Variants in NLRP3 observed in about 807,000 individuals in gnomAD.
The protein encoded by NLRP3 is NACHT, LRR and PYD domains-containing protein 3.
Under a neutral mutation model 91.3 loss-of-function variants are expected in NLRP3, and 48 were observed. That is an observed-to-expected ratio of 0.53 (90% CI 0.42 to 0.67). The LOEUF (loss-of-function observed/expected upper bound fraction) is 0.67. NLRP3 is among the 30% of genes least tolerant of loss of function. The pLI is 0.00. For synonymous variants in NLRP3, 561 were observed against 507.9 expected (o/e 1.10, Z -1.41); for missense variants, 982 against 1,276.9 (o/e 0.77, Z 3.52).
In NLRP3 at chr1:247,418,995, G is replaced by A. The variant is rs201205620; in HGVS notation, c.195G>A (p.Ala65=). The change falls in exon 2 of 10, where the codon GCG becomes GCA. Residue 65 remains alanine (A), a synonymous_variant. Transcript: ENST00000336119. Reference sequence around the variant, plus strand: ...TCGACTTCAATGGGGAGGAGAAGGCGTGGGCCATGGCCGTGTGGATCTTCG... The same window carrying A: ...TCGACTTCAATGGGGAGGAGAAGGCATGGGCCATGGCCGTGTGGATCTTCG... ...LMIDFNGEEK[A]WAMAVWIFAA... 37 of 1,614,042 alleles carry A rather than the reference G, an allele frequency of 2.3e-5. No homozygotes were observed. The highest frequency in any genetic ancestry group is 2.7e-5 in the Non-Finnish European group (32 of 1,180,036).
At position 247,436,155 on chromosome 1, in the gene NLRP3, G is replaced by C. The variant is rs755399806; in HGVS notation, c.2663+15G>C. Reference sequence around the variant, plus strand: ...CAGAAACTGGGGTAAGTCTTCATGGGTGTCTTACCAGAAAAGTAACTTCTT... The same window carrying C: ...CAGAAACTGGGGTAAGTCTTCATGGCTGTCTTACCAGAAAAGTAACTTCTT... On this transcript the variant is annotated intron_variant, in intron 7 of 9. Coordinates refer to ENST00000336119, the MANE Select transcript of NLRP3 (RefSeq NM_001243133.2). 6.2e-7 allele frequency: 1 copy of C among 1,613,340 alleles called. No homozygotes were observed. The highest frequency in any genetic ancestry group is 1.7e-5 in the Admixed American group (1 of 59,988).
rs1290294652 is a variant in NLRP3, at chr1:247,425,243, C to G, written c.1794C>G (p.Ile598Met). 1 of 1,614,214 alleles carries G rather than the reference C, an allele frequency of 6.2e-7. No individual in the cohort carries two copies. The highest frequency in any genetic ancestry group is 8.5e-7 in the Non-Finnish European group (1 of 1,180,038). ...TGGAGAAGAAATTAAGTTGCAAGATCTCTCAGCAAATCAGGCTGGAGCTGC... is the reference window on the plus strand; with the variant it reads ...TGGAGAAGAAATTAAGTTGCAAGATGTCTCAGCAAATCAGGCTGGAGCTGC... Reference protein sequence around the residue: ...SYLEKKLSCKISQQIRLELLK... With the variant: ...SYLEKKLSCKMSQQIRLELLK... Residue 598 changes from isoleucine (I) to methionine (M), a missense_variant, in exon 4 of 10, where the codon ATC becomes ATG. Transcript: ENST00000336119. The surrounding 1 kb of genome is among the most constrained non-coding windows in gnomAD (Gnocchi z 4.1).
chr1:247,416,472 C>A lies in NLRP3; in HGVS notation c.-749+279C>A, dbSNP rs143299932. On this transcript the variant is annotated intron_variant, in intron 1 of 9. Transcript: ENST00000336119. ...ACTTCAGCAGATTTGCCCAGTATCC[C>A]TCCCAGGGGAGAAGATGGATGGGAT... 5.3e-3 allele frequency among the ~76,000 whole-genome samples: 803 copies of A among 152,308 alleles called. 10 individuals are homozygous for A. The highest frequency in any genetic ancestry group is 0.019 in the African/African-American group (769 of 41,558).
At chr1:247,427,547 G>A (rs4925544) in intron 4 of NLRP3, among the ~76,000 whole-genome samples, 2,878 of 12,168 alleles carry the variant, frequency 0.24, no homozygotes, top group East Asian at 0.34. Context: ...TCTGACTGGA[G>A]CCCTGGTAGG....
At position 247,424,207 on chromosome 1, in the gene NLRP3, A is replaced by G. The variant is rs943828544; in HGVS notation, c.758A>G (p.Tyr253Cys). The change falls in exon 4 of 10, where the codon TAT (tyrosine) becomes TGT (cysteine). Residue 253 changes from tyrosine (Y) to cysteine (C), a missense_variant. Physicochemically the swap from Tyr to Cys is radical, Grantham distance 194. This residue lies in a region of NLRP3 where 548 missense variants were observed against 713.7 expected (regional missense o/e 0.77). Coordinates refer to ENST00000336119, the MANE Select transcript of NLRP3 (RefSeq NM_001243133.2). This position sits in a 1 kb window ranked among gnomAD's most constrained non-coding sequence, Gnocchi z 8.1. ...SGTLYQDRFD[Y>C]LFYIHCREVS... ...ACACTCTACCAAGACAGGTTTGACT[A>G]TCTGTTCTATATCCACTGTCGAGAG... 2 of 1,614,054 alleles carry G rather than the reference A, an allele frequency of 1.2e-6. No homozygotes were observed. The highest frequency in any genetic ancestry group is 2.2e-5 in the East Asian group (1 of 44,850).
At chr1:247,422,606 C>T (rs1572163132) in intron 2 of NLRP3, among the ~76,000 whole-genome samples, 1 of 152,052 alleles carries the variant, frequency 6.6e-6, no homozygotes, top group African/African-American at 2.4e-5. Flanking sequence ...GGTTCCTGGG[C>T]CTCACCTCAG....
chr1:247,439,045 C>CCATCCATCCATCT (rs1553291703), intron 7 of NLRP3, among the ~76,000 whole-genome samples: 1 of 150,376 alleles, frequency 6.6e-6, no homozygotes, highest in African/African-American at 2.5e-5. Flanking sequence ...TCCATCCATC[C>CCATCCATCCATCT]ATCCATCCAT....
At chr1:247,432,988 G>A (rs529658421) in intron 5 of NLRP3, among the ~76,000 whole-genome samples, 9 of 152,014 alleles carry the variant, frequency 5.9e-5, no homozygotes, top group African/African-American at 2.2e-4. Context: ...AAACCAGCCT[G>A]AGCAAGCTGG....
chr1:247,417,729 G>T (rs544274077), intron 1 of NLRP3, among the ~76,000 whole-genome samples: 4 of 151,984 alleles, frequency 2.6e-5, no homozygotes, highest in Non-Finnish European at 4.4e-5. Context: ...CAGGTGATCC[G>T]CCCACCTCGG....
chr1:247,421,647 C>T (rs1662468154), intron 2 of NLRP3, among the ~76,000 whole-genome samples: 1 of 152,146 alleles, frequency 6.6e-6, no homozygotes, highest in Admixed American at 6.6e-5. Context: ...TGGAAGAGAT[C>T]CTAACTGGCC....
chr1:247,423,377 TGA>T (rs1662611910), intron 3 of NLRP3, 28 bp downstream of exon 3: 5 of 1,613,362 alleles, frequency 3.1e-6, no homozygotes, highest in Non-Finnish European at 4.2e-6. Context: ...TGCTTCTAGT[TGA>T]GTTTTAAGAC....
chr1:247,442,937 T>C (rs2103225639), intron 7 of NLRP3, among the ~76,000 whole-genome samples: 1 of 152,238 alleles, frequency 6.6e-6, no homozygotes, highest in East Asian at 1.9e-4. Context: ...TATTTATTTA[T>C]TTATTTTTGA....
chr1:247,438,378 G>GTTTTTTTTTTTTT (rs74163772), intron 7 of NLRP3, among the ~76,000 whole-genome samples: 4 of 71,924 alleles, frequency 5.6e-5, no homozygotes, highest in African/African-American at 1.1e-4. Context: ...GTTTAGTTGT[G>GTTTTTTTTTTTTT]TTTTTTTTTT....
Position 247,425,793 on chromosome 1 carries a change from GA to G in NLRP3, c.2150+204del, listed in dbSNP as rs369266215. The G allele has an allele frequency of 1.2e-3, 650 of 542,442 alleles. 1 individual carries two copies. Among genetic ancestry groups the G allele is most frequent in the Middle Eastern group, 2.1e-3 (4 of 1,946 alleles). 33.6% of individuals were successfully genotyped at this position (542,442 alleles called of 1,614,324 possible). On this transcript the variant is annotated intron_variant, in intron 4 of 9. Transcript: ENST00000336119. The surrounding 1 kb of genome is among the most constrained non-coding windows in gnomAD (Gnocchi z 4.1). The stretch of plus-strand genomic sequence containing the variant: ...ATGGTAGGTGGATAAATGGGATGAG[GA>G]AAAAAAAAATAAAACAAGGAACAAA...
At chr1:247,423,022 G>A (rs1558188644) in intron 2 of NLRP3, among the ~76,000 whole-genome samples, 1 of 152,150 alleles carries the variant, frequency 6.6e-6, no homozygotes, top group Non-Finnish European at 1.5e-5. Context: ...CTTGGCAGGT[G>A]GACAGCAGAA....
chr1:247,435,994 AG>A lies in NLRP3; in HGVS notation c.2518del (p.Ala840HisfsTer10), dbSNP rs1663764646. 1 of 1,614,012 alleles carries A rather than the reference AG, an allele frequency of 6.2e-7. No homozygotes were observed. Among genetic ancestry groups the A allele is most frequent in the African/African-American group, 1.3e-5 (1 of 74,914 alleles). Reference sequence around the variant, plus strand: ...GGTTGGTCAGCTGCTGCCTCACATCAGCATGTTGTCAGGATCTTGCATCAGT... The same window carrying A: ...GGTTGGTCAGCTGCTGCCTCACATCACATGTTGTCAGGATCTTGCATCAGT... ...LWLVSCCLTS[A>X]CCQDLASVLS... On this transcript the variant is annotated frameshift_variant, in exon 7 of 10. Coordinates refer to ENST00000336119, the MANE Select transcript of NLRP3 (RefSeq NM_001243133.2). LOFTEE classifies it high-confidence loss of function.
Position 247,419,095 on chromosome 1 carries a change from T to G in NLRP3, c.277+18T>G. ...GAAGTGGGGTGAGTGGAAGGAAGAC[T>G]TTTAAAAAAAATTGTGGCCAAGTGC... On this transcript the variant is annotated intron_variant, in intron 2 of 9. Coordinates refer to ENST00000336119, the MANE Select transcript of NLRP3 (RefSeq NM_001243133.2). The G allele has an allele frequency of 6.2e-7, 1 of 1,602,640 alleles. No homozygotes were observed. The highest frequency in any genetic ancestry group is 1.7e-5 in the Admixed American group (1 of 59,656).
chr1:247,447,772 T>C (rs2103256563), intron 9 of NLRP3, among the ~76,000 whole-genome samples: 1 of 152,310 alleles, frequency 6.6e-6, no homozygotes, highest in Non-Finnish European at 1.5e-5. Flanking sequence ...GTAATTATAT[T>C]TTAGTGTCAC....
At chr1:247,422,558 T>C (rs1662540691) in intron 2 of NLRP3, among the ~76,000 whole-genome samples, 1 of 152,154 alleles carries the variant, frequency 6.6e-6, no homozygotes, top group Non-Finnish European at 1.5e-5. Flanking sequence ...TCAACACAGA[T>C]GCATGTTGGA....
Sources: gnomAD v4.1 joint callset for allele counts (sites outside exome capture counted in the v4.1 genomes callset) on GRCh38, gnomAD v4.1.1 for gene constraint, gnomAD v4.1.1 regional missense constraint, Gnocchi (gnomAD v3.1) non-coding constraint, MANE v1.5 for transcripts, NCBI Gene and HGNC (gene_info 2026-07-23, HGNC 2026-07-21) for gene names.